TMEFF2: variants seen among roughly 807,000 people sequenced by gnomAD.
The protein encoded by TMEFF2 is tomoregulin-2.
In TMEFF2, 28 loss-of-function variants were observed where a neutral mutation model predicts 53.8. The observed-to-expected ratio is 0.52, with a 90% confidence interval of 0.39 to 0.71. The LOEUF is 0.71. Among genes scored for constraint, TMEFF2 ranks in the 30% least tolerant of loss-of-function variants. TMEFF2 has a pLI of 0.00. For synonymous variants in TMEFF2, 162 were observed against 166.3 expected, an observed-to-expected ratio of 0.97 and a Z score of 0.20; for missense variants, 353 against 455.2, an observed-to-expected ratio of 0.78 and a Z score of 2.04.
At position 192,049,434 on chromosome 2, in the gene TMEFF2, G is replaced by A. The variant is rs148987282; in HGVS notation, c.536+8245C>T. 6.1e-3 allele frequency among the ~76,000 whole-genome samples: 925 copies of A among 152,180 alleles called. 10 individuals are homozygous for A. The highest frequency in any genetic ancestry group is 5.9e-3 in the Non-Finnish European group (401 of 68,006). On this transcript the variant is annotated intron_variant, in intron 5 of 9. Transcript: ENST00000272771. ...AGACATTTAGGATGGTGTCTGACAC[G>A]CTTTGGAAAGGTTTGTCACACTTTG...
chr2:192,042,562 G>A (rs1236681361), intron 5 of TMEFF2, among the ~76,000 whole-genome samples: 1 of 152,142 alleles, frequency 6.6e-6, no homozygotes, highest in African/African-American at 2.4e-5. Context: ...ACATGTGTAG[G>A]AATGGACACT....
chr2:192,061,726 G>A (rs1429395310), intron 4 of TMEFF2, among the ~76,000 whole-genome samples: 2 of 152,114 alleles, frequency 1.3e-5, no homozygotes, highest in Non-Finnish European at 2.9e-5. Flanking sequence ...TGCATCATGG[G>A]GGTGGATCCC....
At chr2:192,003,022 C>G (rs1686406803) in intron 5 of TMEFF2, among the ~76,000 whole-genome samples, 1 of 152,062 alleles carries the variant, frequency 6.6e-6, no homozygotes, top group Non-Finnish European at 1.5e-5. Context: ...TGCAGGATTC[C>G]AAGACCATGG....
intron 7 of TMEFF2, among the ~76,000 whole-genome samples, chr2:191,966,427 T>C (rs1177372412): frequency 6.6e-6 from 1 of 152,194 alleles, no homozygotes; most frequent in Admixed American, 6.5e-5. Context: ...ACCCCTTTCA[T>C]TTAAAGATTG....
At chr2:191,957,080 C>G (rs141135916) in intron 7 of TMEFF2, among the ~76,000 whole-genome samples, 1 of 152,174 alleles carries the variant, frequency 6.6e-6, no homozygotes, top group African/African-American at 2.4e-5. Flanking sequence ...CCTAAACTTA[C>G]GATAACGAAT....
At chr2:192,079,594 A>G (rs1428647379) in intron 4 of TMEFF2, among the ~76,000 whole-genome samples, 1 of 152,164 alleles carries the variant, frequency 6.6e-6, no homozygotes, top group Non-Finnish European at 1.5e-5. Context: ...TTGTGGTACT[A>G]TGTATTGTTG....
intron 4 of TMEFF2, among the ~76,000 whole-genome samples, chr2:192,081,302 A>G (rs1384875641): frequency 6.6e-6 from 1 of 152,244 alleles, no homozygotes; most frequent in Non-Finnish European, 1.5e-5. Context: ...TTTAATACTA[A>G]GCCTGAAAAT....
intron 5 of TMEFF2, among the ~76,000 whole-genome samples, chr2:192,028,257 A>C (rs76640517): frequency 0.064 from 9,729 of 152,200 alleles, 456 homozygotes; most frequent in African/African-American, 0.12. Context: ...TAAGTCCATT[A>C]AACCTCTTTC....
intron 3 of TMEFF2, among the ~76,000 whole-genome samples, chr2:192,182,854 C>T (rs1017181078): frequency 4.0e-5 from 6 of 151,896 alleles, no homozygotes; most frequent in Non-Finnish European, 8.8e-5. Context: ...TTTCTCATTT[C>T]TTTGGTATGG....
intron 5 of TMEFF2, among the ~76,000 whole-genome samples, chr2:192,026,773 A>C (rs758093131): frequency 6.6e-6 from 1 of 152,224 alleles, no homozygotes; most frequent in African/African-American, 2.4e-5. Flanking sequence ...AAGCTTATGC[A>C]TTGTGGGATA....
intron 4 of TMEFF2, among the ~76,000 whole-genome samples, chr2:192,127,441 CTCTCT>C (rs1689703894): frequency 6.6e-6 from 1 of 152,182 alleles, no homozygotes; most frequent in African/African-American, 2.4e-5. Flanking sequence ...TCTCCTACTT[CTCTCT>C]TCTCTAAATC....
intron 4 of TMEFF2, among the ~76,000 whole-genome samples, chr2:192,140,569 G>A (rs1034204480): frequency 6.6e-6 from 1 of 152,096 alleles, no homozygotes; most frequent in African/African-American, 2.4e-5. Context: ...AGGATGACCA[G>A]AATGGAGCCA....
chr2:191,955,322 A>G (rs1298230540), intron 8 of TMEFF2, among the ~76,000 whole-genome samples: 1 of 151,434 alleles, frequency 6.6e-6, no homozygotes, highest in Non-Finnish European at 1.5e-5. Context: ...TATATTTTAG[A>G]CATACAGTAG....
intron 4 of TMEFF2, among the ~76,000 whole-genome samples, chr2:192,062,911 GTAT>G (rs1183884204): frequency 6.6e-6 from 1 of 151,422 alleles, no homozygotes; most frequent in African/African-American, 2.4e-5. Flanking sequence ...TGTCAGAGTA[GTAT>G]TATTTTTTAT....
At chr2:192,032,956 T>C (rs1475669378) in intron 5 of TMEFF2, among the ~76,000 whole-genome samples, 1 of 152,214 alleles carries the variant, frequency 6.6e-6, no homozygotes, top group African/African-American at 2.4e-5. Flanking sequence ...ATGGTTTTTC[T>C]TGGTTTAAGC....
At chr2:192,033,589 G>A (rs12465925) in intron 5 of TMEFF2, among the ~76,000 whole-genome samples, 26,319 of 144,990 alleles carry the variant, frequency 0.18, 2,517 homozygotes, top group East Asian at 0.39. Flanking sequence ...CATTAGATAA[G>A]TCTCTCCATA....
chr2:192,031,161 T>G (rs1219553344), intron 5 of TMEFF2, among the ~76,000 whole-genome samples: 2 of 152,234 alleles, frequency 1.3e-5, no homozygotes, highest in Non-Finnish European at 2.9e-5. Flanking sequence ...CCTACTTCCT[T>G]AACACTCTTG....
intron 4 of TMEFF2, among the ~76,000 whole-genome samples, chr2:192,160,328 A>G (rs369531239): frequency 2.0e-5 from 3 of 152,294 alleles, no homozygotes; most frequent in East Asian, 3.9e-4. Flanking sequence ...TTTTTGCAAT[A>G]TCTGTACTGT....
At position 191,983,878 on chromosome 2, in the gene TMEFF2, A is replaced by G. The variant is rs150082050; in HGVS notation, c.745+14384T>C. ...CAAATCAATTCAATATCGTTTCTAAATGGTGAATCCAGTGAGAAAGAACTT... is the reference window on the plus strand; with the variant it reads ...CAAATCAATTCAATATCGTTTCTAAGTGGTGAATCCAGTGAGAAAGAACTT... On this transcript the variant is annotated intron_variant, in intron 7 of 9. Coordinates refer to ENST00000272771, the MANE Select transcript of TMEFF2 (RefSeq NM_016192.4). 7.6e-4 allele frequency among the ~76,000 whole-genome samples: 116 copies of G among 152,346 alleles called. 1 individual carries two copies. Among genetic ancestry groups the G allele is most frequent in the Middle Eastern group, 3.4e-3 (1 of 294 alleles).
Sources: gnomAD v4.1 joint callset for allele counts (sites outside exome capture counted in the v4.1 genomes callset) on GRCh38, gnomAD v4.1.1 for gene constraint, MANE v1.5 for transcripts, NCBI Gene and HGNC (gene_info 2026-07-23, HGNC 2026-07-21) for gene names.